The following MGAT5 variants were observed in gnomAD, a reference collection of about 807,000 sequenced individuals.
MGAT5 encodes alpha-1,6-mannosylglycoprotein 6-beta-N-acetylglucosaminyltransferase A.
In MGAT5, 30 loss-of-function variants were observed where a neutral mutation model predicts 94.3. That is an observed-to-expected ratio of 0.32 (90% CI 0.24 to 0.43). The LOEUF is 0.43. Ranked by LOEUF, MGAT5 falls within the 20% of genes least tolerant of loss-of-function variation. The probability of loss-of-function intolerance (pLI) is 1.00; values close to 1 mark genes in which losing one functional copy is unlikely to be tolerated. For synonymous variants in MGAT5, 310 were observed against 322.9 expected, an observed-to-expected ratio of 0.96 and a Z score of 0.43; for missense variants, 691 against 905.5, an observed-to-expected ratio of 0.76 and a Z score of 3.04.
intron 10 of MGAT5, among the ~76,000 whole-genome samples, chr2:134,373,531 A>G (rs1680953614): frequency 6.6e-6 from 1 of 152,170 alleles, no homozygotes. Flanking sequence ...CCTAAATAGA[A>G]CCTTATTAAA....
chr2:134,171,850 C>T (rs1457380420), intron 1 of MGAT5, among the ~76,000 whole-genome samples: 2 of 152,138 alleles, frequency 1.3e-5, no homozygotes, highest in Admixed American at 1.3e-4. Context: ...GGTATTTGCT[C>T]TTGTCGGGGA....
At chr2:134,374,989 C>G (rs141580298) in intron 10 of MGAT5, among the ~76,000 whole-genome samples, 2 of 152,250 alleles carry the variant, frequency 1.3e-5, no homozygotes, top group African/African-American at 4.8e-5. Flanking sequence ...GCTCTAGTCT[C>G]GAGGGACAGC....
intron 4 of MGAT5, among the ~76,000 whole-genome samples, chr2:134,324,631 T>C (rs574498647): frequency 6.6e-6 from 1 of 152,262 alleles, no homozygotes; most frequent in Non-Finnish European, 1.5e-5. Flanking sequence ...CTGTGTTGGC[T>C]GCTAAAGATA....
At chr2:134,341,051 G>A (rs1243057497) in intron 6 of MGAT5, among the ~76,000 whole-genome samples, 1 of 152,150 alleles carries the variant, frequency 6.6e-6, no homozygotes, top group Non-Finnish European at 1.5e-5. Flanking sequence ...GATACATACC[G>A]AAATATTTAC....
At chr2:134,299,118 C>A (rs912036970) in intron 2 of MGAT5, among the ~76,000 whole-genome samples, 6 of 152,202 alleles carry the variant, frequency 3.9e-5, no homozygotes, top group Non-Finnish European at 8.8e-5. Context: ...ATACCACTAT[C>A]ATCATCTGTA....
Position 134,183,304 on chromosome 2 carries a change from C to T in MGAT5, c.-143+63013C>T, listed in dbSNP as rs147413838. Among the ~76,000 whole-genome samples the T allele has an allele frequency of 3.6e-3, 553 of 152,196 alleles. 5 individuals are homozygous for T. The highest frequency in any genetic ancestry group is 0.013 in the African/African-American group (525 of 41,522). Reference sequence around the variant, plus strand: ...CATAATGAAGAAAACAACATAATTACGTCACTCGTTGGGCTTTAGAACTTT... The same window carrying T: ...CATAATGAAGAAAACAACATAATTATGTCACTCGTTGGGCTTTAGAACTTT... On this transcript the variant is annotated intron_variant, in intron 1 of 16. Transcript: ENST00000409645.
At chr2:134,222,005 T>C (rs1251203471) in intron 1 of MGAT5, among the ~76,000 whole-genome samples, 1 of 152,158 alleles carries the variant, frequency 6.6e-6, no homozygotes, top group East Asian at 1.9e-4. Context: ...CCCACGGTGC[T>C]AGAAAGGCTT....
At chr2:134,241,257 C>T (rs949373999) in intron 1 of MGAT5, among the ~76,000 whole-genome samples, 2 of 152,210 alleles carry the variant, frequency 1.3e-5, no homozygotes, top group African/African-American at 4.8e-5. Flanking sequence ...GTGAGTACCC[C>T]AAAGAAGGAG....
intron 15 of MGAT5, among the ~76,000 whole-genome samples, chr2:134,444,584 A>T (rs1358709484): frequency 1.3e-5 from 2 of 152,228 alleles, no homozygotes; most frequent in East Asian, 3.9e-4. Flanking sequence ...TGGCCCATCC[A>T]TATTCATAGC....
At chr2:134,301,044 C>G (rs4953910) in intron 2 of MGAT5, among the ~76,000 whole-genome samples, 114,395 of 151,982 alleles carry the variant, frequency 0.75, 44,807 homozygotes, top group Non-Finnish European at 0.87. Flanking sequence ...CCCATAGGCA[C>G]TCTCTACTCT....
At chr2:134,146,287 G>A (rs542612996) in intron 1 of MGAT5, among the ~76,000 whole-genome samples, 10 of 152,294 alleles carry the variant, frequency 6.6e-5, no homozygotes, top group Non-Finnish European at 1.3e-4. Context: ...GCCAGGTGCG[G>A]TGGCTCATGT....
chr2:134,131,853 C>T (rs1686191418), intron 1 of MGAT5, among the ~76,000 whole-genome samples: 1 of 152,322 alleles, frequency 6.6e-6, no homozygotes, highest in East Asian at 1.9e-4. Flanking sequence ...CCCGCCACCT[C>T]CATGAGATCG....
chr2:134,254,340 C>T lies in MGAT5; in HGVS notation c.-64C>T, dbSNP rs996792254. 5 of 1,585,518 alleles carry T rather than the reference C, an allele frequency of 3.2e-6. No homozygotes were observed. Among genetic ancestry groups the T allele is most frequent in the Non-Finnish European group, 4.3e-6 (5 of 1,165,358 alleles). The stretch of plus-strand genomic sequence containing the variant: ...AGCAGACTCTCACACTCAACCTACA[C>T]CATGAATTTGTGTCTATCTTCTACG... On this transcript the variant is annotated 5_prime_UTR_variant, in exon 1 of 16. Transcript: ENST00000281923.
intron 1 of MGAT5, among the ~76,000 whole-genome samples, chr2:134,156,225 G>A (rs146927173): frequency 4.6e-5 from 7 of 152,242 alleles, no homozygotes; most frequent in African/African-American, 1.4e-4. Context: ...AGACCCTTCC[G>A]AATACATTTC....
rs957530606 is a variant in MGAT5 at position 134,416,884 on chromosome 2, C to T, written c.1677+3869C>T. 2.0e-5 allele frequency among the ~76,000 whole-genome samples: 3 copies of T among 151,256 alleles called. 1 individual carries two copies. The highest frequency in any genetic ancestry group is 7.3e-5 in the African/African-American group (3 of 41,154). ...GCCTCCCAAAGTGCTGGGATTACAGCATGAGTCACCATGCCTGGCCTATGT... is the reference window on the plus strand; with the variant it reads ...GCCTCCCAAAGTGCTGGGATTACAGTATGAGTCACCATGCCTGGCCTATGT... On this transcript the variant is annotated intron_variant, in intron 12 of 15. Transcript: ENST00000281923.
intron 1 of MGAT5, among the ~76,000 whole-genome samples, chr2:134,177,475 C>G (rs1293429733): frequency 6.6e-6 from 1 of 152,166 alleles, no homozygotes; most frequent in Non-Finnish European, 1.5e-5. Context: ...CACCTGGTCA[C>G]CCCTGGCAGG....
intron 10 of MGAT5, among the ~76,000 whole-genome samples, chr2:134,369,062 T>C (rs1304252103): frequency 6.6e-6 from 1 of 152,204 alleles, no homozygotes; most frequent in Non-Finnish European, 1.5e-5. Flanking sequence ...CTTACTAGAC[T>C]ATATGCTCTG....
intron 2 of MGAT5, among the ~76,000 whole-genome samples, chr2:134,313,403 T>G (rs1348472560): frequency 6.6e-6 from 1 of 152,192 alleles, no homozygotes; most frequent in Non-Finnish European, 1.5e-5. Context: ...AAGTGACTGA[T>G]AAAGCAACAG....
chr2:134,393,012 A>C (rs1682505325), intron 10 of MGAT5, among the ~76,000 whole-genome samples: 1 of 152,242 alleles, frequency 6.6e-6, no homozygotes, highest in Admixed American at 6.5e-5. Context: ...TTTCAGATGC[A>C]TGAGCCTTGG....
Sources: allele counts gnomAD v4.1 joint callset (sites outside exome capture counted in the v4.1 genomes callset), GRCh38; gene constraint gnomAD v4.1.1; transcripts MANE v1.5; gene names NCBI Gene and HGNC (gene_info 2026-07-23, HGNC 2026-07-21).